The following PIK3C3 variants were observed in gnomAD, a reference collection of about 807,000 sequenced individuals.
PIK3C3 encodes the protein PI3-kinase type 3.
Under a neutral mutation model 126.1 loss-of-function variants are expected in PIK3C3, and 95 were observed. The ratio of observed to expected loss-of-function variants is 0.75; its 90% confidence interval spans 0.64 to 0.89. The LOEUF (loss-of-function observed/expected upper bound fraction) is 0.89. Ranked by LOEUF, PIK3C3 falls within the 40% of genes least tolerant of loss-of-function variation. The pLI is 0.00. For missense variants in PIK3C3, 829 were observed against 1,063.2 expected (o/e 0.78, Z 3.06); for synonymous variants, 374 against 360.0 (o/e 1.04, Z -0.44).
At chr18:41,996,500 A>G (rs1288866598) in intron 8 of PIK3C3, 138 bp from the exon 9 acceptor site, 1 of 450,414 alleles carries the variant, frequency 2.2e-6, no homozygotes, top group Non-Finnish European at 4.0e-6. Flanking sequence ...GGCCTACTTG[A>G]CTGAGTTTAC....
chr18:42,075,089 C>G (rs957766045), intron 24 of PIK3C3, among the ~76,000 whole-genome samples: 1 of 151,982 alleles, frequency 6.6e-6, no homozygotes, highest in African/African-American at 2.4e-5. Flanking sequence ...TTTATAATAA[C>G]TAAAATTTGT....
chr18:42,079,998 A>AGAGTGTGT lies in PIK3C3; in HGVS notation c.2650-1124_2650-1123insAGTGTGTG, dbSNP rs371056566. Among the ~76,000 whole-genome samples, 14 of 137,430 alleles carry AGAGTGTGT rather than the reference A, an allele frequency of 1.0e-4. No individual in the cohort carries two copies. The East Asian group carries it at 1.5e-3, about 14-fold the overall frequency. The allele number at this position is 137,430 out of a possible 152,430, so 90.2% of individuals were successfully genotyped here. On this transcript the variant is annotated intron_variant, in intron 24 of 24. Coordinates refer to ENST00000262039, the MANE Select transcript of PIK3C3 (RefSeq NM_002647.4). ...GTGTGTGTGTGTATGTAAGAGAGAG[A>AGAGTGTGT]GTGTGTGTGTGTGTGTGTGTGTGTG...
intron 21 of PIK3C3, chr18:42,051,421 G>A (rs1054571053): frequency 2.0e-5 from 3 of 151,912 alleles, no homozygotes; most frequent in African/African-American, 7.3e-5. Context: ...TGTTTTGTTT[G>A]TATTTCTCCA....
intron 10 of PIK3C3, among the ~76,000 whole-genome samples, chr18:42,009,651 TTATGTAATG>T (rs1181770865): frequency 8.8e-5 from 13 of 147,332 alleles, no homozygotes; most frequent in South Asian, 4.3e-4. Flanking sequence ...AATGCTTACA[TTATGTAATG>T]TACATTATGT....
chr18:41,993,214 C>A lies in PIK3C3; in HGVS notation c.715-56C>A, dbSNP rs1981863569. On this transcript the variant is annotated intron_variant, in intron 6 of 24. Coordinates refer to ENST00000262039, the MANE Select transcript of PIK3C3 (RefSeq NM_002647.4). ...AATACATTGATGTGTACATCATATA[C>A]TGCTTCCTATTGTATTAAATTTCTT... 3 of 1,019,524 alleles carry A rather than the reference C, an allele frequency of 2.9e-6. No individual in the cohort carries two copies. The East Asian group carries it at 7.4e-5, about 25-fold the overall frequency. 63.2% of individuals were successfully genotyped at this position (1,019,524 alleles called of 1,614,324 possible).
rs115803995 is a variant in PIK3C3, at chr18:42,057,312, C to T, written c.2264-571C>T. ...ATACAATGAAAACAGATTTATAAGT[C>T]AGTCTTTCTTACATATTAGTAAAAT... On this transcript the variant is annotated intron_variant, in intron 21 of 24. Coordinates refer to ENST00000262039, the MANE Select transcript of PIK3C3 (RefSeq NM_002647.4). Among the ~76,000 whole-genome samples the T allele has an allele frequency of 1.9e-3, 290 of 152,086 alleles. 1 individual carries two copies. Among genetic ancestry groups the T allele is most frequent in the African/African-American group, 6.9e-3 (285 of 41,512 alleles).
chr18:42,066,389 G>A (rs1253107823), intron 23 of PIK3C3, among the ~76,000 whole-genome samples: 1 of 151,164 alleles, frequency 6.6e-6, no homozygotes, highest in Non-Finnish European at 1.5e-5. Flanking sequence ...CACTAAATGG[G>A]GACCACACTT....
intron 13 of PIK3C3, chr18:42,025,369 T>C (rs1983519144): frequency 6.6e-6 from 1 of 152,240 alleles, no homozygotes; most frequent in African/African-American, 2.4e-5. Flanking sequence ...TTAGAACTGC[T>C]GTTTTTTGTT....
At chr18:42,053,767 C>T (rs887201230) in intron 21 of PIK3C3, among the ~76,000 whole-genome samples, 6 of 151,844 alleles carry the variant, frequency 4.0e-5, no homozygotes, top group African/African-American at 1.5e-4. Flanking sequence ...GAGGGGAAGG[C>T]AGTATAACTG....
chr18:41,976,225 C>G (rs1335472298), intron 4 of PIK3C3, among the ~76,000 whole-genome samples: 2 of 152,076 alleles, frequency 1.3e-5, no homozygotes, highest in Non-Finnish European at 1.5e-5. Context: ...AAGTATTTTG[C>G]ATTAATCTAT....
chr18:42,074,033 G>T (rs764415181), intron 24 of PIK3C3, among the ~76,000 whole-genome samples: 1 of 152,130 alleles, frequency 6.6e-6, no homozygotes, highest in Non-Finnish European at 1.5e-5. Flanking sequence ...CAGTACTTGT[G>T]CTGGTGTTAA....
chr18:42,035,691 A>G (rs1984018691), intron 16 of PIK3C3, among the ~76,000 whole-genome samples: 1 of 151,858 alleles, frequency 6.6e-6, no homozygotes, highest in Non-Finnish European at 1.5e-5. Flanking sequence ...TGTCTTTGAG[A>G]ATCTGATGAA....
At chr18:41,955,430 A>G in intron 1 of PIK3C3, 71 bp downstream of exon 1, 1 of 1,300,418 alleles carries the variant, frequency 7.7e-7, no homozygotes, top group South Asian at 1.2e-5. Flanking sequence ...GCCTGTTGGG[A>G]GTGAGAGGCA....
At chr18:42,039,712 C>T (rs591823) in intron 18 of PIK3C3, among the ~76,000 whole-genome samples, 1 of 152,136 alleles carries the variant, frequency 6.6e-6, no homozygotes. Context: ...TCCTTCGATC[C>T]CTACTGTAAG....
chr18:41,995,305 A>C (rs1981973374), intron 7 of PIK3C3, among the ~76,000 whole-genome samples: 1 of 152,186 alleles, frequency 6.6e-6, no homozygotes, highest in Non-Finnish European at 1.5e-5. Flanking sequence ...TAAAAAAATT[A>C]GGAATATGAC....
At chr18:42,015,974 G>A (rs1276545057) in intron 12 of PIK3C3, among the ~76,000 whole-genome samples, 5 of 152,108 alleles carry the variant, frequency 3.3e-5, no homozygotes, top group Admixed American at 3.3e-4. Flanking sequence ...CATATAAGTA[G>A]ACACATTTTT....
intron 24 of PIK3C3, among the ~76,000 whole-genome samples, chr18:42,069,358 A>G (rs529577515): frequency 3.9e-5 from 6 of 152,334 alleles, no homozygotes; most frequent in African/African-American, 1.4e-4. Context: ...TAGGGGGAAA[A>G]AGGCCAGAGA....
intron 4 of PIK3C3, chr18:41,985,240 T>C (rs971616079): frequency 1.3e-5 from 2 of 152,168 alleles, no homozygotes; most frequent in Admixed American, 6.6e-5. Context: ...AAAAAAAAGA[T>C]AATGAGAAAC....
In PIK3C3 at chr18:42,043,711, C is replaced by T. The variant is rs532994170; in HGVS notation, c.2104-22C>T. Reference sequence around the variant, plus strand: ...TGTTTGTTTGTACTTAATTCTAAAACATGTAAATAATGTCTTTTCAGAACT... The same window carrying T: ...TGTTTGTTTGTACTTAATTCTAAAATATGTAAATAATGTCTTTTCAGAACT... On this transcript the variant is annotated intron_variant, in intron 19 of 24. Coordinates refer to ENST00000262039, the MANE Select transcript of PIK3C3 (RefSeq NM_002647.4). 39 of 1,507,074 alleles carry T rather than the reference C, an allele frequency of 2.6e-5. No homozygotes were observed. The South Asian group carries it at 4.2e-4, about 16-fold the overall frequency. 93.4% of individuals were successfully genotyped at this position (1,507,074 alleles called of 1,614,324 possible).
Sources: gnomAD v4.1 joint callset for allele counts (sites outside exome capture counted in the v4.1 genomes callset) on GRCh38, gnomAD v4.1.1 for gene constraint, MANE v1.5 for transcripts, NCBI Gene and HGNC (gene_info 2026-07-23, HGNC 2026-07-21) for gene names.